Variants in LHFPL2 observed in about 807,000 individuals in gnomAD.
LHFPL2 encodes LHFPL tetraspan subfamily member 2 protein.
In LHFPL2, 7 loss-of-function variants were observed where a neutral mutation model predicts 17.5. That is an observed-to-expected ratio of 0.40 (90% CI 0.23 to 0.75). LHFPL2 has a LOEUF of 0.75. Ranked by LOEUF, LHFPL2 falls within the 30% of genes least tolerant of loss-of-function variation. The pLI is 0.37. For missense variants in LHFPL2, 241 were observed against 294.8 expected, an observed-to-expected ratio of 0.82 and a Z score of 1.34; for synonymous variants, 134 against 116.2, an observed-to-expected ratio of 1.15 and a Z score of -0.99.
At position 78,509,863 on chromosome 5, in the gene LHFPL2, C is replaced by T. The variant is rs1295411337; in HGVS notation, c.351G>A (p.Val117=). Residue 117 remains valine (V), a synonymous_variant, in exon 4 of 5, where the codon GTG becomes GTA. Coordinates refer to ENST00000380345, the MANE Select transcript of LHFPL2 (RefSeq NM_005779.3). ...GIFILCMVAL[V]SVFTMCVQSI... is the part of the protein sequence containing the mutation. Reference sequence around the variant, plus strand: ...TCTGTACACACATGGTGAAGACGGACACCAAGGCCACCATGCAGAGAATAA... The same window carrying T: ...TCTGTACACACATGGTGAAGACGGATACCAAGGCCACCATGCAGAGAATAA... 1 of 1,613,926 alleles carries T rather than the reference C, an allele frequency of 6.2e-7. No homozygotes were observed. Among genetic ancestry groups the T allele is most frequent in the East Asian group, 2.2e-5 (1 of 44,882 alleles).
chr5:78,517,506 G>A (rs2112336022), intron 3 of LHFPL2, among the ~76,000 whole-genome samples: 1 of 152,348 alleles, frequency 6.6e-6, no homozygotes, highest in South Asian at 2.1e-4. Flanking sequence ...ATAAAGGAAA[G>A]AGGTTTAATG....
intron 2 of LHFPL2, among the ~76,000 whole-genome samples, chr5:78,592,172 C>T (rs1014720648): frequency 1.3e-5 from 2 of 152,184 alleles, no homozygotes; most frequent in African/African-American, 4.8e-5. Context: ...AAGTCAAATG[C>T]GTGGCAACAG....
intron 1 of LHFPL2, chr5:78,641,936 C>CACACACACACAT (rs1171180593): frequency 7.0e-6 from 1 of 143,578 alleles, no homozygotes; most frequent in Non-Finnish European, 1.5e-5. Context: ...CACACACACA[C>CACACACACACAT]ACATATATGC....
At position 78,488,843 on chromosome 5, in the gene LHFPL2, G is replaced by T; in HGVS notation, c.*54C>A. ...TCCACTTGACTCAAATGATGAAACTGTGGACTGTTTCACAAGATTACTCAA... is the reference window on the plus strand; with the variant it reads ...TCCACTTGACTCAAATGATGAAACTTTGGACTGTTTCACAAGATTACTCAA... On this transcript the variant is annotated 3_prime_UTR_variant, in exon 5 of 5. Transcript: ENST00000380345. 6.3e-7 allele frequency: 1 copy of T among 1,589,772 alleles called. No individual in the cohort carries two copies.
intron 2 of LHFPL2, among the ~76,000 whole-genome samples, chr5:78,615,162 A>G (rs537770338): frequency 6.6e-6 from 1 of 152,298 alleles, no homozygotes; most frequent in African/African-American, 2.4e-5. Flanking sequence ...CTTTGGGCAA[A>G]CCAATCCCCC....
chr5:78,537,459 T>C (rs1189997898), intron 3 of LHFPL2, among the ~76,000 whole-genome samples: 5 of 152,220 alleles, frequency 3.3e-5, no homozygotes, highest in Non-Finnish European at 7.3e-5. Flanking sequence ...TCCTCCCGCT[T>C]TGCCCAATTA....
At chr5:78,554,177 T>C (rs1474997019) in intron 3 of LHFPL2, among the ~76,000 whole-genome samples, 2 of 152,250 alleles carry the variant, frequency 1.3e-5, no homozygotes, top group African/African-American at 2.4e-5. Context: ...CTTACGACAG[T>C]GCAAGGGGCA....
At chr5:78,559,958 CCATCTGCT>C (rs1756679014) in intron 3 of LHFPL2, among the ~76,000 whole-genome samples, 1 of 152,298 alleles carries the variant, frequency 6.6e-6, no homozygotes, top group Middle Eastern at 3.4e-3. Context: ...ACTGTACCAC[CCATCTGCT>C]CAGTCTGGAA....
chr5:78,517,366 C>T lies in LHFPL2; in HGVS notation c.-185-6968G>A, dbSNP rs75469060. On this transcript the variant is annotated intron_variant, in intron 3 of 4. Transcript: ENST00000380345. ...TTCTTTCTTGATGCCAACTCCAACT[C>T]CTCCTGTATCCAATTAATCTACCTC... Among the ~76,000 whole-genome samples, 142 of 152,316 alleles carry T rather than the reference C, an allele frequency of 9.3e-4. 1 individual carries two copies. In the East Asian group the frequency reaches 0.026, roughly 28 times the overall value.
At chr5:78,577,583 G>C (rs1757164759) in intron 2 of LHFPL2, among the ~76,000 whole-genome samples, 1 of 152,108 alleles carries the variant, frequency 6.6e-6, no homozygotes, top group African/African-American at 2.4e-5. Flanking sequence ...GGGTCCATTT[G>C]CCTGGCTCAC....
At chr5:78,509,183 T>C (rs1755025328) in intron 4 of LHFPL2, among the ~76,000 whole-genome samples, 1 of 152,230 alleles carries the variant, frequency 6.6e-6, no homozygotes, top group Non-Finnish European at 1.5e-5. Context: ...CTGATCTGAA[T>C]GCACAGAACA....
chr5:78,489,803 C>G (rs1299579466), intron 4 of LHFPL2, among the ~76,000 whole-genome samples: 1 of 152,248 alleles, frequency 6.6e-6, no homozygotes, highest in Non-Finnish European at 1.5e-5. Context: ...TGGAACACAG[C>G]TGTGGCCATT....
At chr5:78,534,213 GC>G (rs1755870204) in intron 3 of LHFPL2, among the ~76,000 whole-genome samples, 1 of 152,216 alleles carries the variant, frequency 6.6e-6, no homozygotes, top group Admixed American at 6.5e-5. Flanking sequence ...GCTCTCAGGA[GC>G]CGTAGGTCGA....
intron 3 of LHFPL2, among the ~76,000 whole-genome samples, chr5:78,561,426 G>C (rs1050452037): frequency 1.3e-5 from 2 of 152,176 alleles, no homozygotes; most frequent in African/African-American, 4.8e-5. Flanking sequence ...AATTCCCCTA[G>C]ATGGGAAGAG....
chr5:78,571,298 C>T (rs1363929968), intron 2 of LHFPL2, among the ~76,000 whole-genome samples: 6 of 152,136 alleles, frequency 3.9e-5, no homozygotes, highest in Non-Finnish European at 8.8e-5. Context: ...AGGGCATCTG[C>T]CTCTGTAACT....
At position 78,578,825 on chromosome 5, in the gene LHFPL2, A is replaced by G. The variant is rs186456232; in HGVS notation, c.-244-13954T>C. Reference sequence around the variant, plus strand: ...ACTCCATCTCTAACTCTAGGTTCTCAGTAGAATGTTTGTTCCCAGCTACCT... The same window carrying G: ...ACTCCATCTCTAACTCTAGGTTCTCGGTAGAATGTTTGTTCCCAGCTACCT... On this transcript the variant is annotated intron_variant, in intron 2 of 4. Coordinates refer to ENST00000380345, the MANE Select transcript of LHFPL2 (RefSeq NM_005779.3). 4.6e-4 allele frequency among the ~76,000 whole-genome samples: 70 copies of G among 152,336 alleles called. 1 individual carries two copies. In the East Asian group the frequency reaches 0.013, roughly 28 times the overall value.
chr5:78,555,852 G>T (rs546596810), intron 3 of LHFPL2, among the ~76,000 whole-genome samples: 5 of 152,366 alleles, frequency 3.3e-5, no homozygotes, highest in South Asian at 2.1e-4. Flanking sequence ...GGCAAAAGAA[G>T]TCAGCCAGGT....
chr5:78,623,095 A>G (rs939657047), intron 2 of LHFPL2, among the ~76,000 whole-genome samples: 19 of 152,228 alleles, frequency 1.2e-4, no homozygotes, highest in Admixed American at 2.0e-4. Context: ...AATGGAAGCA[A>G]ATTCTTACAA....
intron 3 of LHFPL2, among the ~76,000 whole-genome samples, chr5:78,541,280 G>A (rs1756105735): frequency 1.3e-5 from 2 of 152,132 alleles, no homozygotes; most frequent in African/African-American, 4.8e-5. Flanking sequence ...GAGGGAGGGG[G>A]CGAAGGTGGG....
Sources: gnomAD v4.1 joint callset for allele counts (sites outside exome capture counted in the v4.1 genomes callset) on GRCh38, gnomAD v4.1.1 for gene constraint, MANE v1.5 for transcripts, NCBI Gene and HGNC (gene_info 2026-07-23, HGNC 2026-07-21) for gene names.